UHRF2: variants seen among roughly 807,000 people sequenced by gnomAD.
The protein encoded by UHRF2 is E3 ubiquitin-protein ligase UHRF2.
In UHRF2, 23 loss-of-function variants were observed where a neutral mutation model predicts 96.8. The observed-to-expected ratio is 0.24, with a 90% confidence interval of 0.17 to 0.34. The LOEUF (loss-of-function observed/expected upper bound fraction) is 0.34. Among genes scored for constraint, UHRF2 ranks in the 10% least tolerant of loss-of-function variants. The pLI is 1.00. For missense variants in UHRF2, 685 were observed against 981.5 expected, an observed-to-expected ratio of 0.70 and a Z score of 4.04; for synonymous variants, 385 against 332.6, an observed-to-expected ratio of 1.16 and a Z score of -1.72.
At chr9:6,458,662 C>T (rs1447365023) in intron 3 of UHRF2, among the ~76,000 whole-genome samples, 1 of 152,076 alleles carries the variant, frequency 6.6e-6, no homozygotes, top group East Asian at 1.9e-4. Flanking sequence ...AAGACAATTC[C>T]TCAAGGACCT....
rs369586401 is a variant in UHRF2, at chr9:6,499,827, C to A, written c.1909-8C>A. On this transcript the variant is annotated splice_region_variant and splice_polypyrimidine_tract_variant and intron_variant, in intron 12 of 15. Coordinates refer to ENST00000276893, the MANE Select transcript of UHRF2 (RefSeq NM_152896.3). Reference sequence around the variant, plus strand: ...TGCATTGTACTCTCCCTCCTCCCCCCCCATCAGTATCCAGCAGGTTACCCT... The same window carrying A: ...TGCATTGTACTCTCCCTCCTCCCCCACCATCAGTATCCAGCAGGTTACCCT... 5.3e-4 allele frequency: 848 copies of A among 1,595,530 alleles called. 7 individuals carry two copies. In the South Asian group the frequency reaches 7.2e-3, roughly 14 times the overall value.
At chr9:6,504,735 C>G in intron 15 of UHRF2, 44 bp downstream of exon 15, 1 of 1,480,482 alleles carries the variant, frequency 6.8e-7, no homozygotes, top group Non-Finnish European at 9.4e-7. Flanking sequence ...GGTATGAAGG[C>G]ACACTAATTT....
intron 14 of UHRF2, among the ~76,000 whole-genome samples, chr9:6,503,076 C>A (rs1347811623): frequency 1.3e-5 from 2 of 152,166 alleles, no homozygotes; most frequent in African/African-American, 4.8e-5. Context: ...CTCACTGCAA[C>A]CTCCACCTCC....
chr9:6,439,909 A>G (rs1221346785), intron 3 of UHRF2, among the ~76,000 whole-genome samples: 4 of 152,214 alleles, frequency 2.6e-5, no homozygotes, highest in African/African-American at 4.8e-5. Context: ...ATGTTAAGGT[A>G]ATAGAGGCAA....
chr9:6,420,720 AAG>A (rs539400537), intron 1 of UHRF2, among the ~76,000 whole-genome samples, 190 bp from the exon 2 acceptor site: 45 of 151,586 alleles, frequency 3.0e-4, no homozygotes, highest in East Asian at 2.2e-3. Flanking sequence ...AAAAAAAAAA[AAG>A]AGAGAGAGAG....
At chr9:6,415,240 C>A (rs1312139034) in intron 1 of UHRF2, 1 of 152,184 alleles carries the variant, frequency 6.6e-6, no homozygotes, top group Non-Finnish European at 1.5e-5. Flanking sequence ...TTTCAGTAAA[C>A]TAGGAAGCTC....
intron 4 of UHRF2, among the ~76,000 whole-genome samples, chr9:6,463,705 A>T (rs1822694992): frequency 6.6e-6 from 1 of 152,158 alleles, no homozygotes; most frequent in East Asian, 1.9e-4. Context: ...CCCTGAGCTC[A>T]GGCTATCTGC....
At chr9:6,492,180 T>A (rs1824703956) in intron 9 of UHRF2, 1 of 266,282 alleles carries the variant, frequency 3.8e-6, no homozygotes, top group African/African-American at 2.2e-5. Context: ...CATGTTTCCT[T>A]GATTTGCTGC....
rs151052515 is a variant in UHRF2 at position 6,501,784 on chromosome 9, T to C, written c.2163+1075T>C. Among the ~76,000 whole-genome samples the C allele has an allele frequency of 2.8e-3, 421 of 152,314 alleles. 3 individuals carry two copies. The highest frequency in any genetic ancestry group is 9.5e-3 in the African/African-American group (397 of 41,580). ...GTTAGGTCACACTCATTTTCACTTA[T>C]AGGAAATTAAGATACAGGAAGCAGT... On this transcript the variant is annotated intron_variant, in intron 14 of 15. Transcript: ENST00000276893.
At chr9:6,431,821 G>T (rs747813155) in intron 2 of UHRF2, among the ~76,000 whole-genome samples, 1 of 152,168 alleles carries the variant, frequency 6.6e-6, no homozygotes, top group African/African-American at 2.4e-5. Flanking sequence ...GTGCCGCCTC[G>T]TGTTCCTTAG....
At chr9:6,495,567 A>G (rs1328090848) in intron 10 of UHRF2, 2 of 152,204 alleles carry the variant, frequency 1.3e-5, no homozygotes, top group Admixed American at 1.3e-4. Context: ...TTCTGAGTTT[A>G]TTCCTATTTC....
chr9:6,494,836 G>A (rs1368320252), intron 10 of UHRF2: 1 of 152,148 alleles, frequency 6.6e-6, no homozygotes, highest in Admixed American at 6.5e-5. Flanking sequence ...ATACCAGTAT[G>A]ATTTCAAGAC....
At chr9:6,426,624 G>A (rs1820275033) in intron 2 of UHRF2, among the ~76,000 whole-genome samples, 1 of 152,164 alleles carries the variant, frequency 6.6e-6, no homozygotes, top group Admixed American at 6.6e-5. Flanking sequence ...TCCATAAATA[G>A]GTGGATATCT....
chr9:6,485,575 G>C (rs998006271), intron 8 of UHRF2, among the ~76,000 whole-genome samples: 1 of 151,222 alleles, frequency 6.6e-6, no homozygotes, highest in Admixed American at 6.6e-5. Flanking sequence ...TCACCTTCTT[G>C]TTGGCTTCTA....
intron 3 of UHRF2, among the ~76,000 whole-genome samples, chr9:6,450,890 C>T (rs1821815784): frequency 6.6e-6 from 1 of 152,124 alleles, no homozygotes; most frequent in Non-Finnish European, 1.5e-5. Context: ...ATTTAGAGCA[C>T]ATAGTCTGTG....
intron 3 of UHRF2, among the ~76,000 whole-genome samples, chr9:6,452,744 A>T (rs1481173775): frequency 6.6e-6 from 1 of 152,178 alleles, no homozygotes; most frequent in East Asian, 1.9e-4. Context: ...GCACCAGCAG[A>T]TTATGGGGTA....
At chr9:6,487,171 A>AT (rs1199671296) in intron 9 of UHRF2, among the ~76,000 whole-genome samples, 9 of 83,832 alleles carry the variant, frequency 1.1e-4, no homozygotes, top group East Asian at 1.0e-3. Context: ...TAGAGCTTTT[A>AT]TTTTTTTTTC....
chr9:6,481,913 C>T, intron 7 of UHRF2, 79 bp from the exon 8 acceptor site: 3 of 1,556,068 alleles, frequency 1.9e-6, no homozygotes, highest in Non-Finnish European at 2.6e-6. Flanking sequence ...AGTTGGGTTC[C>T]TAGTCACATC....
At chr9:6,444,272 G>C (rs1821357624) in intron 3 of UHRF2, among the ~76,000 whole-genome samples, 1 of 152,180 alleles carries the variant, frequency 6.6e-6, no homozygotes, top group Non-Finnish European at 1.5e-5. Context: ...CTTTACCAAA[G>C]ACTTAGAGTA....
Sources: allele counts gnomAD v4.1 joint callset (sites outside exome capture counted in the v4.1 genomes callset), GRCh38; gene constraint gnomAD v4.1.1; transcripts MANE v1.5; gene names NCBI Gene and HGNC (gene_info 2026-07-23, HGNC 2026-07-21).